The following PUM2 variants were observed in gnomAD, a reference collection of about 807,000 sequenced individuals.
The protein encoded by PUM2 is pumilio RNA binding family member 2.
PUM2 carries 57 observed loss-of-function variants against 124.5 expected under a neutral mutation model. The ratio of observed to expected loss-of-function variants is 0.46; its 90% CI spans 0.37 to 0.57. PUM2 has a LOEUF of 0.57. Among genes scored for constraint, PUM2 ranks in the 20% least tolerant of loss-of-function variants. PUM2 has a pLI of 0.00. For synonymous variants in PUM2, 460 were observed against 446.1 expected (o/e 1.03, Z -0.39); for missense variants, 1,065 against 1,290.6 (o/e 0.83, Z 2.68).
At chr2:20,288,414 C>T (rs113804328) in intron 10 of PUM2, among the ~76,000 whole-genome samples, 263 of 152,230 alleles carry the variant, frequency 1.7e-3, no homozygotes, top group African/African-American at 6.0e-3. Context: ...ATTAGAGATA[C>T]TGCAAAGGAA....
chr2:20,308,695 G>C, intron 5 of PUM2, 111 bp from the exon 6 acceptor site: 1 of 1,051,640 alleles, frequency 9.5e-7, no homozygotes, highest in Non-Finnish European at 1.3e-6. Flanking sequence ...CAATGAATAA[G>C]GCATTCTGGG....
chr2:20,334,510 A>C (rs1044360153), intron 1 of PUM2, among the ~76,000 whole-genome samples: 14 of 152,244 alleles, frequency 9.2e-5, no homozygotes, highest in Admixed American at 7.8e-4. Flanking sequence ...GTAGAAATTA[A>C]CCTCTGGGGT....
intron 1 of PUM2, among the ~76,000 whole-genome samples, chr2:20,344,997 A>G (rs1026424634): frequency 1.3e-5 from 2 of 150,450 alleles, no homozygotes; most frequent in African/African-American, 4.9e-5. Flanking sequence ...AAAAAAAAAA[A>G]AAAAAAAGAA....
Position 20,283,250 on chromosome 2 carries a change from A to G in PUM2, c.1436-19T>C. ...GCTGCTGCTGTAAAATAAATTTCAG[A>G]TACTTCTTTAAACCACCCAGAAAAT... is the stretch of plus-strand genomic sequence containing the variant. On this transcript the variant is annotated intron_variant, in intron 11 of 20. Coordinates refer to ENST00000361078, the MANE Select transcript of PUM2 (RefSeq NM_015317.5). 2 of 1,609,780 alleles carry G rather than the reference A, an allele frequency of 1.2e-6. No homozygotes were observed. The highest frequency in any genetic ancestry group is 1.3e-5 in the African/African-American group (1 of 74,766).
chr2:20,275,228 C>A (rs1669970379), intron 13 of PUM2, among the ~76,000 whole-genome samples: 1 of 151,638 alleles, frequency 6.6e-6, no homozygotes. Flanking sequence ...ATTTTAGAAC[C>A]AAAAATAGAT....
rs964116793 is a variant in PUM2 at position 20,296,420 on chromosome 2, G to A, written c.1009+1133C>T. 7.9e-5 allele frequency among the ~76,000 whole-genome samples: 12 copies of A among 152,040 alleles called. No homozygotes were observed. In the East Asian group the frequency reaches 1.6e-3, roughly 20 times the overall value. On this transcript the variant is annotated intron_variant, in intron 8 of 20. Coordinates refer to ENST00000361078, the MANE Select transcript of PUM2 (RefSeq NM_015317.5). ...TGAGGCAGGAGAATGGTGTGAACCC[G>A]GGAGGCGGAGCTTGCAGTGAGCCGA...
At chr2:20,352,242 C>G (rs1402748944), upstream of PUM2, 1 of 152,278 alleles carries the variant, frequency 6.6e-6, no homozygotes, top group Non-Finnish European at 1.5e-5. Context: ...GCTAGCCTTG[C>G]TTCCCAGGTC....
rs1322998201 is a variant in PUM2 at position 20,285,577 on chromosome 2, T to A, written c.1292-2091A>T. Among the ~76,000 whole-genome samples the A allele has an allele frequency of 2.0e-5, 3 of 152,170 alleles. No homozygotes were observed. In the East Asian group the frequency reaches 5.8e-4, roughly 29 times the overall value. Reference sequence around the variant, plus strand: ...GAGTTTGGTGCATTCTGTTCCTCTGTCACAGCATGATATTTTTTCCCACTC... The same window carrying A: ...GAGTTTGGTGCATTCTGTTCCTCTGACACAGCATGATATTTTTTCCCACTC... On this transcript the variant is annotated intron_variant, in intron 10 of 20. Transcript: ENST00000361078.
At chr2:20,276,611 T>C (rs1293464219) in intron 13 of PUM2, among the ~76,000 whole-genome samples, 5 of 151,928 alleles carry the variant, frequency 3.3e-5, no homozygotes, top group Non-Finnish European at 7.4e-5. Flanking sequence ...AATATTTTTC[T>C]TTTTTTTGGA....
intron 5 of PUM2, among the ~76,000 whole-genome samples, chr2:20,311,133 T>A (rs1306425137): frequency 6.6e-6 from 1 of 151,498 alleles, no homozygotes; most frequent in Non-Finnish European, 1.5e-5. Flanking sequence ...TGAAAGGTGC[T>A]CAAAAGCACT....
chr2:20,283,378 G>T lies in PUM2; in HGVS notation c.1400C>A (p.Thr467Lys), dbSNP rs1398809519. 1 of 1,614,120 alleles carries T rather than the reference G, an allele frequency of 6.2e-7. No homozygotes were observed. The highest frequency in any genetic ancestry group is 1.1e-5 in the South Asian group (1 of 91,092). ...TGCTGCTGAACTAATTAAAACAGGT[G>T]TTGGAGCCATTAACCGAACTGGAGC... ...LGAPVRLMAP[T>K]PVLISSAAAQ... Residue 467 changes from threonine to lysine, a missense_variant, in exon 11 of 21, where the codon ACA becomes AAA. Transcript: ENST00000361078.
chr2:20,256,165 T>C lies in PUM2; in HGVS notation c.2490A>G (p.Glu830=), dbSNP rs776221902. The C allele has an allele frequency of 2.5e-6, 4 of 1,589,938 alleles. No individual in the cohort carries two copies. The Admixed American group carries it at 7.4e-5, about 29-fold the overall frequency. The change falls in exon 17 of 21, where the codon GAA becomes GAG. Residue 830 remains glutamate (E), a synonymous_variant. Coordinates refer to ENST00000361078, the MANE Select transcript of PUM2 (RefSeq NM_015317.5). Reference sequence around the variant, plus strand: ...CATGACCATCCAGCTCCTTTACCATTTCACTCTGCAAAAGACAGGATGTCA... The same window carrying C: ...CATGACCATCCAGCTCCTTTACCATCTCACTCTGCAAAAGACAGGATGTCA... ...LESISSDQQS[E]MVKELDGHVL...
chr2:20,327,209 G>T, intron 2 of PUM2, 101 bp downstream of exon 2: 2 of 767,356 alleles, frequency 2.6e-6, no homozygotes, highest in South Asian at 3.1e-5. Context: ...TGGAAGATAT[G>T]ACCACTATTT....
chr2:20,336,761 TGTGTGTGTGTG>T (rs1686178431), intron 1 of PUM2, among the ~76,000 whole-genome samples: 1 of 42,786 alleles, frequency 2.3e-5, no homozygotes, highest in South Asian at 7.8e-4. Flanking sequence ...TGTGTGTGTG[TGTGTGTGTGTG>T]TGTGTGTGTG....
chr2:20,317,172 A>G (rs1331426101), intron 3 of PUM2, among the ~76,000 whole-genome samples: 1 of 152,076 alleles, frequency 6.6e-6, no homozygotes, highest in Non-Finnish European at 1.5e-5. Flanking sequence ...ACACCAGCCT[A>G]GGCAACAGAG....
In PUM2 at chr2:20,249,339, T is replaced by A. The variant is rs949381393; in HGVS notation, c.*2246A>T. The A allele has an allele frequency of 6.6e-6, 1 of 152,454 alleles. No individual in the cohort carries two copies. Among genetic ancestry groups the A allele is most frequent in the African/African-American group, 2.4e-5 (1 of 41,416 alleles). The allele number at this position is 152,454 out of a possible 1,614,324, so 9.4% of individuals were successfully genotyped here. A position where few individuals can be genotyped will look rare whatever the true frequency, so the allele number is the denominator to read the frequency against. ...AAGTTCGATACGGGCCGAAATACTC[T>A]GAGGTTGGTAAAGTAGGAAAAAGTG... On this transcript the variant is annotated 3_prime_UTR_variant, in exon 21 of 21. Transcript: ENST00000361078.
chr2:20,350,035 T>C (rs1334058076), intron 1 of PUM2, among the ~76,000 whole-genome samples: 1 of 152,238 alleles, frequency 6.6e-6, no homozygotes, highest in African/African-American at 2.4e-5. Context: ...TTGGTTTTAA[T>C]TTACATATTT....
intron 1 of PUM2, among the ~76,000 whole-genome samples, chr2:20,349,293 ATTTTAT>A (rs528743312): frequency 2.4e-4 from 37 of 152,324 alleles, no homozygotes; most frequent in Admixed American, 9.8e-4. Flanking sequence ...CTGAAATAAA[ATTTTAT>A]TTTTAAGATT....
chr2:20,306,712 G>C (rs11679966), intron 7 of PUM2, among the ~76,000 whole-genome samples: 47,874 of 150,170 alleles, frequency 0.32, 8,434 homozygotes, highest in East Asian at 0.74. Flanking sequence ...AGGTTCAAGC[G>C]ATTCTCTGCC....
Sources: allele counts gnomAD v4.1 joint callset (sites outside exome capture counted in the v4.1 genomes callset), GRCh38; gene constraint gnomAD v4.1.1; transcripts MANE v1.5; gene names NCBI Gene and HGNC (gene_info 2026-07-23, HGNC 2026-07-21).